Variants in ODR4 observed in about 807,000 individuals in gnomAD.
The protein encoded by ODR4 is odr-4 GPCR localization factor homolog, also known as protein odr-4 homolog.
In ODR4, 47 loss-of-function variants were observed where a neutral mutation model predicts 60.2. That is an observed-to-expected ratio of 0.78 (90% CI 0.62 to 1.00). ODR4 has a LOEUF of 1.00. Among genes scored for constraint, ODR4 ranks in the 50% least tolerant of loss-of-function variants. The pLI is 0.00. For missense variants in ODR4, 488 were observed against 530.8 expected, an observed-to-expected ratio of 0.92 and a Z score of 0.79; for synonymous variants, 178 against 175.5, an observed-to-expected ratio of 1.01 and a Z score of -0.11.
chr1:186,419,449 T>C lies in ODR4; in HGVS notation c.*373T>C. 1 of 213,712 alleles carries C rather than the reference T, an allele frequency of 4.7e-6. No homozygotes were observed. 13.2% of individuals were successfully genotyped at this position (213,712 alleles called of 1,614,324 possible). A position where few individuals can be genotyped will look rare whatever the true frequency, so the allele number is the denominator to read the frequency against. On this transcript the variant is annotated 3_prime_UTR_variant, in exon 14 of 14. Transcript: ENST00000287859. ...TAACAGAGGCATGATGGCTCACACG[T>C]ATAATCCTAATGCTTTGAGAGGCTG...
At chr1:186,393,445 AT>A (rs1160045869) in intron 8 of ODR4, among the ~76,000 whole-genome samples, 1 of 152,230 alleles carries the variant, frequency 6.6e-6, no homozygotes, top group Non-Finnish European at 1.5e-5. Flanking sequence ...AGCTATGGCC[AT>A]TTTATAAAAG....
intron 2 of ODR4, among the ~76,000 whole-genome samples, chr1:186,382,485 T>C (rs936419630): frequency 1.3e-5 from 2 of 151,814 alleles, no homozygotes; most frequent in Non-Finnish European, 2.9e-5. Context: ...AACAAAAAAC[T>C]TGAGGAACAT....
Position 186,401,339 on chromosome 1 carries a change from C to T in ODR4, c.1000+2295C>T, listed in dbSNP as rs571085849. 152 of 573,304 alleles carry T rather than the reference C, an allele frequency of 2.7e-4. No homozygotes were observed. In the African/African-American group the frequency reaches 2.7e-3, roughly 10 times the overall value. The allele number at this position is 573,304 out of a possible 1,614,324, so 35.5% of individuals were successfully genotyped here. A position where few individuals can be genotyped will look rare whatever the true frequency, so the allele number is the denominator to read the frequency against. On this transcript the variant is annotated intron_variant, in intron 11 of 13. Coordinates refer to ENST00000287859, the MANE Select transcript of ODR4 (RefSeq NM_017847.6). ...TACTGGCAATTGGGTGGCCTTGGGA[C>T]CTGTGTGAAGAGCATAGACTGTAGT... is the stretch of plus-strand genomic sequence containing the variant.
At chr1:186,387,186 C>T (rs1404999708) in intron 4 of ODR4, among the ~76,000 whole-genome samples, 4 of 152,044 alleles carry the variant, frequency 2.6e-5, no homozygotes, top group Non-Finnish European at 4.4e-5. Flanking sequence ...TGTCAGATGT[C>T]CCAGCCTCAA....
At chr1:186,403,387 G>A (rs1208598591) in intron 11 of ODR4, among the ~76,000 whole-genome samples, 1 of 151,894 alleles carries the variant, frequency 6.6e-6, no homozygotes, top group Non-Finnish European at 1.5e-5. Flanking sequence ...ATAAATAAAT[G>A]TAAATTCTGA....
At position 186,388,549 on chromosome 1, in the gene ODR4, G is replaced by A. The variant is rs1660338597; in HGVS notation, c.437+1G>A. ...TTCACATTTGTGCTTCTACAAAAAAGTATCTTTTGTTCAGTTTATGGTTTA... is the reference window on the plus strand; with the variant it reads ...TTCACATTTGTGCTTCTACAAAAAAATATCTTTTGTTCAGTTTATGGTTTA... On this transcript the variant is annotated splice_donor_variant, in intron 5 of 13. Coordinates refer to ENST00000287859, the MANE Select transcript of ODR4 (RefSeq NM_017847.6). LOFTEE classifies it high-confidence loss of function. The A allele has an allele frequency of 1.3e-6, 2 of 1,500,014 alleles. No homozygotes were observed. Among genetic ancestry groups the A allele is most frequent in the Non-Finnish European group, 1.8e-6 (2 of 1,111,406 alleles). The allele number at this position is 1,500,014 out of a possible 1,614,324, so 92.9% of individuals were successfully genotyped here.
intron 12 of ODR4, among the ~76,000 whole-genome samples, chr1:186,412,891 T>C (rs1661425598): frequency 3.9e-5 from 6 of 152,076 alleles, no homozygotes. Flanking sequence ...ATACTGAACC[T>C]CTGACTTGTA....
At chr1:186,399,861 T>C (rs1432204978) in intron 11 of ODR4, among the ~76,000 whole-genome samples, 1 of 152,116 alleles carries the variant, frequency 6.6e-6, no homozygotes, top group African/African-American at 2.4e-5. Flanking sequence ...GATTGCAGCT[T>C]TTGGGAAACA....
chr1:186,422,781 C>T (rs560516498), downstream of ODR4, among the ~76,000 whole-genome samples: 24 of 151,992 alleles, frequency 1.6e-4, no homozygotes, highest in African/African-American at 5.8e-4. Flanking sequence ...ACTAAATGTG[C>T]AACTTAGAAA....
intron 11 of ODR4, among the ~76,000 whole-genome samples, chr1:186,403,014 T>C (rs1298090147): frequency 6.6e-6 from 1 of 152,196 alleles, no homozygotes; most frequent in Non-Finnish European, 1.5e-5. Context: ...ATTGATACCA[T>C]GTTGGAGATG....
Position 186,383,103 on chromosome 1 carries a change from A to G in ODR4, c.181A>G (p.Lys61Glu), listed in dbSNP as rs1162343537. ...EEQSENLKHP[K>E]AKLDNLDEEW... ...GCAAAGTGAGAACCTCAAACATCCC[A>G]AAGCTAAGTTGGATAACTTGGATGA... The change falls in exon 3 of 14, where the codon AAA becomes GAA. Residue 61 changes from lysine (K) to glutamate (E), a missense_variant. Transcript: ENST00000287859. 2.0e-5 allele frequency: 31 copies of G among 1,562,328 alleles called. No homozygotes were observed. The highest frequency in any genetic ancestry group is 2.7e-5 in the Non-Finnish European group (31 of 1,152,402).
intron 12 of ODR4, among the ~76,000 whole-genome samples, chr1:186,413,740 A>C (rs762657149): frequency 3.3e-5 from 5 of 152,226 alleles, no homozygotes; most frequent in Non-Finnish European, 5.9e-5. Context: ...TACATCGCTG[A>C]CTATAATGAT....
At chr1:186,415,506 G>A (rs187491291) in intron 12 of ODR4, among the ~76,000 whole-genome samples, 32 of 152,232 alleles carry the variant, frequency 2.1e-4, no homozygotes, top group African/African-American at 7.7e-4. Flanking sequence ...TAAAGTAGTT[G>A]CTTTCATAAT....
rs761880967 is a variant in ODR4, at chr1:186,406,153, G to A, written c.1071G>A (p.Leu357=). 1 of 1,612,140 alleles carries A rather than the reference G, an allele frequency of 6.2e-7. No homozygotes were observed. Among genetic ancestry groups the A allele is most frequent in the Non-Finnish European group, 8.5e-7 (1 of 1,179,028 alleles). The change falls in exon 12 of 14, where the codon TTG becomes TTA. Residue 357 remains leucine, a synonymous_variant. Coordinates refer to ENST00000287859, the MANE Select transcript of ODR4 (RefSeq NM_017847.6). The part of the protein sequence containing the change: ...FVPLPGSTVM[L]CDYKFDDESA... ...CCCTTCCTGGATCCACTGTAATGTTGTGTGATTATAAATTTGACGATGAGT... is the reference window on the plus strand; with the variant it reads ...CCCTTCCTGGATCCACTGTAATGTTATGTGATTATAAATTTGACGATGAGT...
chr1:186,426,353 C>T (rs114855618), downstream of ODR4, among the ~76,000 whole-genome samples: 260 of 152,308 alleles, frequency 1.7e-3, 1 homozygote, highest in African/African-American at 6.0e-3. Flanking sequence ...CCCTGCTCCA[C>T]GTGATGCTGT....
intron 11 of ODR4, among the ~76,000 whole-genome samples, chr1:186,400,020 T>C (rs149980994): frequency 0.14 from 19,902 of 141,076 alleles, 1,649 homozygotes; most frequent in Admixed American, 0.23. Context: ...GAGACGGAGT[T>C]TCGCTCTGTC....
intron 1 of ODR4, among the ~76,000 whole-genome samples, chr1:186,377,595 A>T (rs566355679): frequency 1.2e-4 from 19 of 152,350 alleles, no homozygotes; most frequent in African/African-American, 3.6e-4. Flanking sequence ...TATGATATAG[A>T]GGAAAGTAGA....
the ODR4 span, among the ~76,000 whole-genome samples, chr1:186,432,786 T>TC: frequency 2.1e-5 from 3 of 143,224 alleles, no homozygotes; most frequent in African/African-American, 7.6e-5. Context: ...ATCTGGCAGA[T>TC]TTTTTTTTTT....
chr1:186,427,435 C>G, the ODR4 span, among the ~76,000 whole-genome samples: 1 of 152,184 alleles, frequency 6.6e-6, no homozygotes. Context: ...CTCATTCATT[C>G]AAGTTTTATC....
Sources: gnomAD v4.1 joint callset for allele counts (sites outside exome capture counted in the v4.1 genomes callset) on GRCh38, gnomAD v4.1.1 for gene constraint, MANE v1.5 for transcripts, NCBI Gene and HGNC (gene_info 2026-07-23, HGNC 2026-07-21) for gene names.